OR10J1: variants seen among roughly 807,000 people sequenced by gnomAD.
OR10J1 encodes olfactory receptor family 10 subfamily J member 1.
For synonymous variants in OR10J1, 202 were observed against 143.8 expected (o/e 1.40, Z -2.89); for missense variants, 474 against 376.6 (o/e 1.26, Z -2.14).
At chr1:159,404,551 G>A in the OR10J1 span, among the ~76,000 whole-genome samples, 1 of 152,134 alleles carries the variant, frequency 6.6e-6, no homozygotes, top group Admixed American at 6.6e-5. Flanking sequence ...TATTATGGCA[G>A]TTTTCAACAG....
At position 159,440,407 on chromosome 1, in the gene OR10J1, CTTG is replaced by C. The variant is rs1266337699; in HGVS notation, c.621_623del (p.Val208del). 2.5e-6 allele frequency: 4 copies of C among 1,614,008 alleles called. No individual in the cohort carries two copies. Among genetic ancestry groups the C allele is most frequent in the African/African-American group, 2.7e-5 (2 of 74,908 alleles). On this transcript the variant is annotated inframe_deletion, in exon 1 of 1. Coordinates refer to ENST00000423932, the MANE Select transcript of OR10J1 (RefSeq NM_012351.3). ...GACTTTGATTATCAGTGTGCTGGTG[CTTG>C]TTGTACCTATGGGTCTGGTTTTCAT... is the stretch of plus-strand genomic sequence containing the variant.
At chr1:159,415,355 C>T in the OR10J1 span, among the ~76,000 whole-genome samples, 2 of 152,034 alleles carry the variant, frequency 1.3e-5, no homozygotes, top group Non-Finnish European at 1.5e-5. Context: ...GTTCTTAGTG[C>T]CTTTGTCTAA....
the OR10J1 span, chr1:159,432,693 G>A: frequency 4.9e-6 from 2 of 409,190 alleles, no homozygotes; most frequent in Non-Finnish European, 8.7e-6. Flanking sequence ...GGTGTCTTCT[G>A]TATTCAGCCT....
At chr1:159,403,019 C>G in the OR10J1 span, among the ~76,000 whole-genome samples, 1 of 152,032 alleles carries the variant, frequency 6.6e-6, no homozygotes, top group Non-Finnish European at 1.5e-5. Context: ...GGAAAAGACT[C>G]TCTTCAATAA....
upstream of OR10J1, among the ~76,000 whole-genome samples, chr1:159,434,782 G>A (rs1655688330): frequency 6.6e-6 from 1 of 152,060 alleles, no homozygotes; most frequent in South Asian, 2.1e-4. Context: ...ACAATGTTAT[G>A]GACATACCAT....
the OR10J1 span, among the ~76,000 whole-genome samples, chr1:159,413,365 T>C: frequency 6.6e-6 from 1 of 151,878 alleles, no homozygotes; most frequent in Non-Finnish European, 1.5e-5. Flanking sequence ...CTATAAATCA[T>C]GCTGCTATAA....
At chr1:159,420,390 T>C in the OR10J1 span, among the ~76,000 whole-genome samples, 3 of 152,168 alleles carry the variant, frequency 2.0e-5, no homozygotes, top group Non-Finnish European at 4.4e-5. Flanking sequence ...TTTTGTATAT[T>C]CTTTGTTTCT....
chr1:159,432,947 G>A (rs753232191), upstream of OR10J1: 2 of 432,302 alleles, frequency 4.6e-6, no homozygotes, highest in Non-Finnish European at 8.3e-6. Flanking sequence ...CCTCACAGTG[G>A]TCATTGTCCA....
the OR10J1 span, chr1:159,405,738 G>A: frequency 4.5e-6 from 4 of 887,242 alleles, no homozygotes; most frequent in South Asian, 5.3e-5. Flanking sequence ...TAAAGATCAG[G>A]GCAATATGTA....
Position 159,440,218 on chromosome 1 carries a change from C to A in OR10J1, c.427C>A (p.Gln143Lys). The A allele has an allele frequency of 6.2e-7, 1 of 1,614,124 alleles. No homozygotes were observed. Among genetic ancestry groups the A allele is most frequent in the South Asian group, 1.1e-5 (1 of 91,072 alleles). The change falls in exon 1 of 1, where the codon CAA (glutamine) becomes AAA (lysine). Residue 143 changes from glutamine to lysine, a missense_variant. Transcript: ENST00000423932. Reference sequence around the variant, plus strand: ...TATTATGAACAAGAGGCTGCGTATCCAACTTGTCCTGGGGGCCTGCAGCAT... The same window carrying A: ...TATTATGAACAAGAGGCTGCGTATCAAACTTGTCCTGGGGGCCTGCAGCAT... ...MVIMNKRLRIQLVLGACSIGL... is the reference protein window; with the variant it reads ...MVIMNKRLRIKLVLGACSIGL...
the OR10J1 span, among the ~76,000 whole-genome samples, chr1:159,423,237 G>A: frequency 1.3e-5 from 2 of 152,056 alleles, no homozygotes; most frequent in East Asian, 3.9e-4. Context: ...TATTATAGAG[G>A]CCAATATTTA....
the OR10J1 span, among the ~76,000 whole-genome samples, chr1:159,399,649 A>G: frequency 6.6e-6 from 1 of 151,982 alleles, no homozygotes; most frequent in African/African-American, 2.4e-5. Context: ...ATTAATGAGC[A>G]ATAAATAATC....
At chr1:159,410,613 C>T in the OR10J1 span, among the ~76,000 whole-genome samples, 39 of 151,202 alleles carry the variant, frequency 2.6e-4, 1 homozygote, top group East Asian at 6.9e-3. Flanking sequence ...GTCTTGCTAG[C>T]AGTCTATCAA....
chr1:159,437,811 A>T (rs941201787), upstream of OR10J1: 17 of 152,288 alleles, frequency 1.1e-4, no homozygotes, highest in African/African-American at 3.9e-4. Flanking sequence ...TTCCACACAG[A>T]GGGGTTATCA....
At chr1:159,405,881 C>T in the OR10J1 span, 1 of 650,202 alleles carries the variant, frequency 1.5e-6, no homozygotes, top group Non-Finnish European at 2.8e-6. Flanking sequence ...AAGGGCAGGC[C>T]AAACATAGAT....
At chr1:159,425,300 G>A in the OR10J1 span, among the ~76,000 whole-genome samples, 4 of 152,060 alleles carry the variant, frequency 2.6e-5, no homozygotes, top group Non-Finnish European at 5.9e-5. Context: ...CAGCATTTTG[G>A]TGAGGAAAAG....
chr1:159,439,014 T>C (rs1421681802), upstream of OR10J1, among the ~76,000 whole-genome samples: 1 of 152,216 alleles, frequency 6.6e-6, no homozygotes, highest in Non-Finnish European at 1.5e-5. Flanking sequence ...TAAATTTGCC[T>C]TCTAGTTTAG....
At chr1:159,415,241 T>A in the OR10J1 span, among the ~76,000 whole-genome samples, 2 of 152,140 alleles carry the variant, frequency 1.3e-5, no homozygotes, top group Non-Finnish European at 2.9e-5. Context: ...TGAGTTGATT[T>A]TTTTATATGG....
Position 159,439,782 on chromosome 1 carries a change from G to A in OR10J1, c.-10G>A. Reference sequence around the variant, plus strand: ...TTATGCTTTTATGTTTCAGATTTGGGAACCAATCCATGAAAAGAGAGAACT... The same window carrying A: ...TTATGCTTTTATGTTTCAGATTTGGAAACCAATCCATGAAAAGAGAGAACT... On this transcript the variant is annotated 5_prime_UTR_variant, in exon 1 of 1. Coordinates refer to ENST00000423932, the MANE Select transcript of OR10J1 (RefSeq NM_012351.3). 2 of 1,613,828 alleles carry A rather than the reference G, an allele frequency of 1.2e-6. No homozygotes were observed. The highest frequency in any genetic ancestry group is 1.7e-6 in the Non-Finnish European group (2 of 1,179,820).
Sources: gnomAD v4.1 joint callset for allele counts (sites outside exome capture counted in the v4.1 genomes callset) on GRCh38, gnomAD v4.1.1 for gene constraint, MANE v1.5 for transcripts, NCBI Gene and HGNC (gene_info 2026-07-23, HGNC 2026-07-21) for gene names.